SON: variants seen among roughly 807,000 people sequenced by gnomAD.
SON encodes the protein SON DNA and RNA binding protein.
In SON, 4 loss-of-function variants were observed where a neutral mutation model predicts 173.3. That is an observed-to-expected ratio of 0.02 (90% CI 0.01 to 0.05). SON has a LOEUF of 0.05. SON is among the 10% of genes least tolerant of loss of function. SON has a pLI of 1.00. For synonymous variants in SON, 1,190 were observed against 1,105.9 expected (o/e 1.08, Z -1.51); for missense variants, 2,626 against 3,055.3 (o/e 0.86, Z 3.31).
chr21:33,559,545 A>G lies in SON; in HGVS notation c.6469-42A>G, dbSNP rs79519432. ...GAAAATCTCAAACCATTTAATGTAG[A>G]TATCATATTGAGCTTTAATTAAGAA... On this transcript the variant is annotated intron_variant, in intron 5 of 11. Coordinates refer to ENST00000356577, the MANE Select transcript of SON (RefSeq NM_138927.4). This position sits in a 1 kb window ranked among gnomAD's most constrained non-coding sequence, Gnocchi z 4.1. 3.2e-6 allele frequency: 5 copies of G among 1,547,900 alleles called. No homozygotes were observed. Among genetic ancestry groups the G allele is most frequent in the Middle Eastern group, 1.7e-4 (1 of 5,824 alleles).
chr21:33,552,954 A>G lies in SON; in HGVS notation c.3723A>G (p.Val1241=), dbSNP rs2085844879. ...SVSASDPSVL[V]SEAAVTVPEP... is the part of the protein sequence containing the mutation. ...CAGCATCAGATCCCTCAGTTTTAGTATCAGAGGCTGCTGTGACTGTTCCAG... is the reference window on the plus strand; with the variant it reads ...CAGCATCAGATCCCTCAGTTTTAGTGTCAGAGGCTGCTGTGACTGTTCCAG... Residue 1241 remains valine, a synonymous_variant, in exon 3 of 12, where the codon GTA becomes GTG. Transcript: ENST00000356577. This position sits in a 1 kb window ranked among gnomAD's most constrained non-coding sequence, Gnocchi z 5.6. 1 of 1,614,186 alleles carries G rather than the reference A, an allele frequency of 6.2e-7. No homozygotes were observed. Among genetic ancestry groups the G allele is most frequent in the Admixed American group, 1.7e-5 (1 of 60,018 alleles).
At chr21:33,548,402 A>G (rs1454416249) in intron 2 of SON, among the ~76,000 whole-genome samples, 2 of 152,172 alleles carry the variant, frequency 1.3e-5, no homozygotes, top group African/African-American at 4.8e-5. Flanking sequence ...TTAAAAAGTT[A>G]TTTTAGTGGT....
chr21:33,543,122 G>A lies in SON; in HGVS notation c.30G>A (p.Arg10=). 1 of 1,614,246 alleles carries A rather than the reference G, an allele frequency of 6.2e-7. No homozygotes were observed. The highest frequency in any genetic ancestry group is 1.1e-5 in the South Asian group (1 of 91,090). ...CGACCAACATCGAGCAGATTTTTAG[G>A]TCTTTCGTGGTCAGTAAATTCCGGG... MATNIEQIF[R]SFVVSKFREI... The change falls in exon 1 of 12, where the codon AGG becomes AGA. Residue 10 remains arginine, a synonymous_variant. Coordinates refer to ENST00000356577, the MANE Select transcript of SON (RefSeq NM_138927.4).
At chr21:33,574,909 G>A (rs1434539881) in intron 9 of SON, among the ~76,000 whole-genome samples, 1 of 152,160 alleles carries the variant, frequency 6.6e-6, no homozygotes, top group African/African-American at 2.4e-5. Flanking sequence ...GGAAAAAAGG[G>A]ACCTATTTTA....
In SON at chr21:33,555,187, C is replaced by T. The variant is rs772373513; in HGVS notation, c.5956C>T (p.Arg1986Cys). Residue 1986 changes from arginine (R) to cysteine (C), a missense_variant, in exon 3 of 12, where the codon CGC (arginine) becomes TGC (cysteine). Around this residue, in one of 13 missense-constraint regions of SON, gnomAD observed 138 missense variants for 222.9 expected, o/e 0.62. Coordinates refer to ENST00000356577, the MANE Select transcript of SON (RefSeq NM_138927.4). ...CAGCCGCACCCCCAGCCGCCGGAGCCGCACCCCTAGCCGTCGGAGCCGCAC... is the reference window on the plus strand; with the variant it reads ...CAGCCGCACCCCCAGCCGCCGGAGCTGCACCCCTAGCCGTCGGAGCCGCAC... ...RRSRTPSRRS[R>C]TPSRRSRTPS... is the part of the protein sequence containing the mutation. 2 of 1,572,338 alleles carry T rather than the reference C, an allele frequency of 1.3e-6. No homozygotes were observed. The highest frequency in any genetic ancestry group is 1.1e-5 in the South Asian group (1 of 87,628).
intron 8 of SON, chr21:33,572,741 C>A: frequency 1.8e-5 from 6 of 336,884 alleles, no homozygotes; most frequent in Non-Finnish European, 2.6e-5. Flanking sequence ...TGATTGTTTT[C>A]TATTTGTTAC....
chr21:33,569,319 T>A (rs746197653), intron 8 of SON: 2 of 454,408 alleles, frequency 4.4e-6, no homozygotes, highest in Non-Finnish European at 8.1e-6. Context: ...TTAAAAATTG[T>A]TACTGCTGCT....
intron 7 of SON, 26 bp downstream of exon 7, chr21:33,567,293 T>A (rs377761655): frequency 5.3e-6 from 7 of 1,329,508 alleles, no homozygotes; most frequent in South Asian, 3.5e-5. Flanking sequence ...TTAAAAAAAA[T>A]TATTATTTAC....
chr21:33,569,308 TTTAAAAA>T (rs2086234688), intron 8 of SON: 1 of 477,760 alleles, frequency 2.1e-6, no homozygotes, highest in African/African-American at 2.0e-5. Flanking sequence ...ATAAGGTTAT[TTTAAAAA>T]TTGTTACTGC....
chr21:33,555,398 C>T lies in SON; in HGVS notation c.6160+7C>T, dbSNP rs2085947030. 1 of 1,501,016 alleles carries T rather than the reference C, an allele frequency of 6.7e-7. No individual in the cohort carries two copies. The highest frequency in any genetic ancestry group is 2.1e-5 in the Admixed American group (1 of 47,630). 93.0% of individuals were successfully genotyped at this position (1,501,016 alleles called of 1,614,324 possible). On this transcript the variant is annotated splice_region_variant and intron_variant, in intron 3 of 11. Coordinates refer to ENST00000356577, the MANE Select transcript of SON (RefSeq NM_138927.4). The stretch of plus-strand genomic sequence containing the variant: ...AAACGTCTGACAGATTTGGGTGAGT[C>T]ATTTTAAAGTTTAATGGGATGGTAG...
At chr21:33,569,149 T>G (rs932401640) in intron 8 of SON, 62 bp downstream of exon 8, 2 of 944,364 alleles carry the variant, frequency 2.1e-6, no homozygotes, top group African/African-American at 3.3e-5. Flanking sequence ...TGGAAACTGT[T>G]TATTAAAACT....
intron 6 of SON, among the ~76,000 whole-genome samples, chr21:33,565,318 G>C (rs1157647129): frequency 6.6e-6 from 1 of 152,138 alleles, no homozygotes; most frequent in Non-Finnish European, 1.5e-5. Context: ...TCAGATTTTA[G>C]CCTTGTTAGA....
intron 2 of SON, among the ~76,000 whole-genome samples, chr21:33,547,761 C>A (rs2085656395): frequency 7.8e-6 from 1 of 128,006 alleles, no homozygotes; most frequent in Non-Finnish European, 1.5e-5. Flanking sequence ...GACGCCCAGG[C>A]TGGAGTGCAG....
intron 7 of SON, 38 bp from the exon 8 acceptor site, chr21:33,568,933 A>C: frequency 8.1e-7 from 1 of 1,241,480 alleles, no homozygotes; most frequent in Non-Finnish European, 1.2e-6. Context: ...TAATCAGGTA[A>C]TTTTACTTAG....
rs1270122187 is a variant in SON, at chr21:33,549,752, T to G, written c.521T>G (p.Phe174Cys). Residue 174 changes from phenylalanine (F) to cysteine (C), a missense_variant, in exon 3 of 12, where the codon TTT becomes TGT. By Grantham distance (205) the Phe-to-Cys change is radical. Transcript: ENST00000356577. ...AVALELPTRAFGPSETNESPA... is the reference protein window; with the variant it reads ...AVALELPTRACGPSETNESPA... ...GCGCTGGAGCTTCCTACAAGAGCAT[T>G]TGGCCCATCTGAGACCAATGAATCC... 6.2e-7 allele frequency: 1 copy of G among 1,614,210 alleles called. No homozygotes were observed. The highest frequency in any genetic ancestry group is 8.5e-7 in the Non-Finnish European group (1 of 1,180,034).
intron 6 of SON, among the ~76,000 whole-genome samples, chr21:33,564,854 TCCATCTCAAAAAAAA>T (rs1308217399): frequency 1.2e-5 from 1 of 83,974 alleles, no homozygotes; most frequent in Non-Finnish European, 2.2e-5. Flanking sequence ...AGGGCGAAAC[TCCATCTCAAAAAAAA>T]AAAAAAAAAA....
Position 33,555,389 on chromosome 21 carries a change from T to G in SON, c.6158T>G (p.Leu2053Trp). Reference protein sequence around the residue: ...RGRSPKRLTDLDKAQLLEIAK... With the variant: ...RGRSPKRLTDWDKAQLLEIAK... ...AGATCACCCAAACGTCTGACAGATTTGGGTGAGTCATTTTAAAGTTTAATG... is the reference window on the plus strand; with the variant it reads ...AGATCACCCAAACGTCTGACAGATTGGGGTGAGTCATTTTAAAGTTTAATG... Residue 2053 changes from leucine (L) to tryptophan (W), a missense_variant and splice_region_variant, in exon 3 of 12, where the codon TTG (leucine) becomes TGG (tryptophan). By Grantham distance (61) the Leu-to-Trp change is moderately conservative (BLOSUM62 -2). Transcript: ENST00000356577. 1 of 1,511,242 alleles carries G rather than the reference T, an allele frequency of 6.6e-7. No homozygotes were observed. The highest frequency in any genetic ancestry group is 8.9e-7 in the Non-Finnish European group (1 of 1,125,002). 93.6% of individuals were successfully genotyped at this position (1,511,242 alleles called of 1,614,324 possible).
At position 33,550,605 on chromosome 21, in the gene SON, A is replaced by T. The variant is rs1601259687; in HGVS notation, c.1374A>T (p.Ala458=). 4 of 1,613,692 alleles carry T rather than the reference A, an allele frequency of 2.5e-6. No homozygotes were observed. In the East Asian group the frequency reaches 8.9e-5, roughly 36 times the overall value. Reference sequence around the variant, plus strand: ...CGCAGGAATTGCCAGGGCTTCCAGCACCATCCATGGGGTTGGAGCCACCAC... The same window carrying T: ...CGCAGGAATTGCCAGGGCTTCCAGCTCCATCCATGGGGTTGGAGCCACCAC... ...QLSQELPGLP[A]PSMGLEPPQE... is the part of the protein sequence containing the mutation. Residue 458 remains alanine (A), a synonymous_variant, in exon 3 of 12, where the codon GCA becomes GCT. Coordinates refer to ENST00000356577, the MANE Select transcript of SON (RefSeq NM_138927.4).
intron 9 of SON, 40 bp from the exon 10 acceptor site, chr21:33,575,556 G>A: frequency 6.7e-7 from 1 of 1,484,418 alleles, no homozygotes; most frequent in Non-Finnish European, 9.3e-7. Context: ...TTTTAAAGTG[G>A]TGCTTTGAAA....
Sources: allele counts gnomAD v4.1 joint callset (sites outside exome capture counted in the v4.1 genomes callset), GRCh38; gene constraint gnomAD v4.1.1; regional missense constraint gnomAD v4.1.1; non-coding constraint Gnocchi (gnomAD v3.1); transcripts MANE v1.5; gene names NCBI Gene and HGNC (gene_info 2026-07-23, HGNC 2026-07-21).